Variants in KAZN observed in about 807,000 individuals in gnomAD.
KAZN encodes the protein kazrin, periplakin interacting protein.
In KAZN, 40 loss-of-function variants were observed where a neutral mutation model predicts 87.4. The observed-to-expected ratio is 0.46, with a 90% CI of 0.36 to 0.60. KAZN has a LOEUF of 0.60. Ranked by LOEUF, KAZN falls within the 20% of genes least tolerant of loss-of-function variation. The pLI is 0.00. For missense variants in KAZN, 898 were observed against 1,073.9 expected (o/e 0.84, Z 2.29); for synonymous variants, 466 against 458.3 (o/e 1.02, Z -0.22).
At chr1:14,993,056 G>A (rs1224500507) in intron 2 of KAZN, among the ~76,000 whole-genome samples, 4 of 150,548 alleles carry the variant, frequency 2.7e-5, no homozygotes, top group Non-Finnish European at 5.9e-5. Context: ...CAAACTCCTA[G>A]CCTCAAGCAA....
chr1:13,988,189 C>T (rs1639109303), intron 1 of KAZN, among the ~76,000 whole-genome samples: 1 of 152,086 alleles, frequency 6.6e-6, no homozygotes, highest in African/African-American at 2.4e-5. Flanking sequence ...AGTCATAGCA[C>T]AAGCATTTGG....
At chr1:14,418,810 A>G (rs1039468455) in intron 2 of KAZN, among the ~76,000 whole-genome samples, 14 of 152,332 alleles carry the variant, frequency 9.2e-5, no homozygotes, top group African/African-American at 3.4e-4. Flanking sequence ...CCTACAGAGA[A>G]TCCCTCAGAG....
Position 14,524,502 on chromosome 1 carries a change from G to A in KAZN, c.250-74481G>A, listed in dbSNP as rs1419475775. ...AAAAGATTAGACCAATTTATCACCA[G>A]GCTCTCTTTGACTCTGAGGGTCTTT... On this transcript the variant is annotated intron_variant, in intron 2 of 16. Transcript: ENST00000636203. Among the ~76,000 whole-genome samples, 3 of 152,064 alleles carry A rather than the reference G, an allele frequency of 2.0e-5. No homozygotes were observed. The East Asian group carries it at 5.8e-4, about 29-fold the overall frequency.
At chr1:14,764,384 A>ACCCC (rs1408862725) in intron 1 of KAZN, among the ~76,000 whole-genome samples, 1 of 105,154 alleles carries the variant, frequency 9.5e-6, no homozygotes, top group African/African-American at 3.7e-5. Context: ...CCCCTCCCCC[A>ACCCC]CACCCCCCCC....
rs142345532 is a variant in KAZN, at chr1:14,655,864, C to T, written c.226+56641C>T. On this transcript the variant is annotated intron_variant, in intron 1 of 14. Transcript: ENST00000376030. ...AGCGGCCAAAGAAGGGACCCAGAGCCAGCAAATGAGACACAGGGTTTTACT... is the reference window on the plus strand; with the variant it reads ...AGCGGCCAAAGAAGGGACCCAGAGCTAGCAAATGAGACACAGGGTTTTACT... Among the ~76,000 whole-genome samples the T allele has an allele frequency of 5.4e-3, 826 of 152,252 alleles. 8 individuals are homozygous for T. The highest frequency in any genetic ancestry group is 0.019 in the African/African-American group (772 of 41,522).
At chr1:14,146,938 C>T (rs887116803) in intron 1 of KAZN, among the ~76,000 whole-genome samples, 1 of 152,042 alleles carries the variant, frequency 6.6e-6, no homozygotes, top group Non-Finnish European at 1.5e-5. Flanking sequence ...TCTGTCACCC[C>T]CAAGACAGTG....
At chr1:14,030,005 T>G (rs1254978013) in intron 1 of KAZN, among the ~76,000 whole-genome samples, 1 of 152,196 alleles carries the variant, frequency 6.6e-6, no homozygotes, top group Non-Finnish European at 1.5e-5. Context: ...TTTCCAATTC[T>G]TTGAAGAAAG....
chr1:15,104,114 T>C lies in KAZN; in HGVS notation c.1973T>C (p.Leu658Pro). The change falls in exon 13 of 15, where the codon CTG (leucine) becomes CCG (proline). Residue 658 changes from leucine (L) to proline (P), a missense_variant. Leu to Pro is a moderately conservative substitution (Grantham distance 98, BLOSUM62 -3). Around this residue, in one of 3 missense-constraint regions of KAZN, gnomAD observed 521 missense variants for 689.4 expected, o/e 0.76. Coordinates refer to ENST00000376030, the MANE Select transcript of KAZN (RefSeq NM_201628.3). ...TFNAEAMATA[L>P]GIPSGKHILR... ...AATGCCGAGGCCATGGCCACTGCCC[T>C]GGGCATCCCCAGTGGGAAGCACATC... 1 of 1,611,540 alleles carries C rather than the reference T, an allele frequency of 6.2e-7. No individual in the cohort carries two copies. Among genetic ancestry groups the C allele is most frequent in the African/African-American group, 1.3e-5 (1 of 75,002 alleles).
intron 2 of KAZN, among the ~76,000 whole-genome samples, chr1:14,274,957 G>A (rs1652234235): frequency 1.3e-5 from 2 of 152,028 alleles, no homozygotes; most frequent in African/African-American, 4.8e-5. Flanking sequence ...AGCATGAAAT[G>A]TAAGGGTTGT....
chr1:14,903,941 A>T (rs1656207991), intron 1 of KAZN, among the ~76,000 whole-genome samples: 1 of 152,224 alleles, frequency 6.6e-6, no homozygotes, highest in Admixed American at 6.5e-5. Context: ...CAGACTGCGG[A>T]AGGCCAGACA....
chr1:14,922,346 A>G (rs1460921505), intron 1 of KAZN, among the ~76,000 whole-genome samples: 1 of 152,148 alleles, frequency 6.6e-6, no homozygotes, highest in African/African-American at 2.4e-5. Flanking sequence ...TCGGGTGCTC[A>G]GAGTGATCAT....
chr1:14,567,280 C>T (rs1571949274), intron 2 of KAZN, among the ~76,000 whole-genome samples: 1 of 152,080 alleles, frequency 6.6e-6, no homozygotes. Context: ...GTGGAGCTGT[C>T]GGAACACACA....
chr1:13,931,498 GCATAGA>G (rs1640512048), intron 1 of KAZN, among the ~76,000 whole-genome samples: 1 of 151,892 alleles, frequency 6.6e-6, no homozygotes, highest in African/African-American at 2.4e-5. Flanking sequence ...ATGTGTGTGT[GCATAGA>G]CACATGCTTT....
chr1:14,655,745 A>G lies in KAZN; in HGVS notation c.226+56522A>G, dbSNP rs115199636. 3.8e-3 allele frequency among the ~76,000 whole-genome samples: 578 copies of G among 152,318 alleles called. 4 individuals carry two copies. The highest frequency in any genetic ancestry group is 0.013 in the African/African-American group (549 of 41,568). ...TCTCGAACTTTTGCATCTACCGAATAATTCAGCTGTGTATGCTTACATGCT... is the reference window on the plus strand; with the variant it reads ...TCTCGAACTTTTGCATCTACCGAATGATTCAGCTGTGTATGCTTACATGCT... On this transcript the variant is annotated intron_variant, in intron 1 of 14. Transcript: ENST00000376030.
intron 2 of KAZN, among the ~76,000 whole-genome samples, chr1:14,487,362 TG>T (rs1204208545): frequency 6.6e-6 from 1 of 152,234 alleles, no homozygotes; most frequent in Admixed American, 6.5e-5. Flanking sequence ...AGAGTTAACT[TG>T]TATTCACTAT....
intron 1 of KAZN, among the ~76,000 whole-genome samples, chr1:14,095,455 C>T (rs907364706): frequency 2.0e-5 from 3 of 152,072 alleles, no homozygotes; most frequent in Non-Finnish European, 2.9e-5. Flanking sequence ...GAAAAAACAC[C>T]CATTTTATTG....
intron 2 of KAZN, among the ~76,000 whole-genome samples, chr1:14,535,744 C>T (rs1010102240): frequency 6.6e-6 from 1 of 152,114 alleles, no homozygotes; most frequent in African/African-American, 2.4e-5. Context: ...GGAAAACTGA[C>T]GGCTGCTCTT....
intron 1 of KAZN, among the ~76,000 whole-genome samples, chr1:14,942,947 C>T (rs1661262375): frequency 6.7e-6 from 1 of 149,324 alleles, no homozygotes; most frequent in Non-Finnish European, 1.5e-5. Context: ...CTTCTGTCTT[C>T]CTGCTTGTTG....
At chr1:14,140,356 G>A (rs1645209548) in intron 1 of KAZN, among the ~76,000 whole-genome samples, 2 of 151,962 alleles carry the variant, frequency 1.3e-5, no homozygotes, top group Non-Finnish European at 1.5e-5. Flanking sequence ...CCAGCACAAG[G>A]CCTGGCATAC....
Sources: allele counts gnomAD v4.1 joint callset (sites outside exome capture counted in the v4.1 genomes callset), GRCh38; gene constraint gnomAD v4.1.1; regional missense constraint gnomAD v4.1.1; transcripts MANE v1.5; gene names NCBI Gene and HGNC (gene_info 2026-07-23, HGNC 2026-07-21).